NDST1: variants seen among roughly 807,000 people sequenced by gnomAD.
The protein encoded by NDST1 is N-deacetylase and N-sulfotransferase 1.
In NDST1, 35 loss-of-function variants were observed where a neutral mutation model predicts 92.8. The observed-to-expected ratio is 0.38, with a 90% CI of 0.29 to 0.50. The LOEUF is 0.50. Among genes scored for constraint, NDST1 ranks in the 20% least tolerant of loss-of-function variants. The pLI is 0.94. For missense variants in NDST1, 822 were observed against 1,182.7 expected (o/e 0.69, Z 4.47); for synonymous variants, 493 against 500.3 (o/e 0.99, Z 0.19).
chr5:150,514,080 C>T (rs1328792796), intron 1 of NDST1, among the ~76,000 whole-genome samples: 3 of 152,208 alleles, frequency 2.0e-5, no homozygotes, highest in African/African-American at 7.2e-5. Flanking sequence ...TCCCCTCATG[C>T]CCCTGCCTAC....
At chr5:150,540,640 A>T (rs1175366018) in intron 8 of NDST1, among the ~76,000 whole-genome samples, 1 of 152,092 alleles carries the variant, frequency 6.6e-6, no homozygotes, top group African/African-American at 2.4e-5. Context: ...ATATGGCGAA[A>T]CCCTGTCTCT....
upstream of NDST1, among the ~76,000 whole-genome samples, chr5:150,507,430 C>T (rs1316131343): frequency 1.3e-5 from 2 of 152,218 alleles, no homozygotes; most frequent in Non-Finnish European, 2.9e-5. Context: ...GGCCCTTTTC[C>T]AGTGTTCTGT....
At chr5:150,539,938 G>A (rs1396868316) in intron 7 of NDST1, 144 bp from the exon 8 acceptor site, 8 of 1,242,460 alleles carry the variant, frequency 6.4e-6, no homozygotes, top group African/African-American at 3.0e-5. Context: ...TACTCGCAGC[G>A]AGTTTGTTGA....
Position 150,541,622 on chromosome 5 carries a change from G to T in NDST1, c.1802G>T (p.Cys601Phe). 6.2e-7 allele frequency: 1 copy of T among 1,614,196 alleles called. No individual in the cohort carries two copies. Among genetic ancestry groups the T allele is most frequent in the Non-Finnish European group, 8.5e-7 (1 of 1,180,044 alleles). The stretch of plus-strand genomic sequence containing the variant: ...GACATCTGGTCCAAGGAGAAGACGT[G>T]TGACCGCTTCCCAAAGCTCCTCATC... ...HKDIWSKEKT[C>F]DRFPKLLIIG... The change falls in exon 9 of 15, where the codon TGT becomes TTT. Residue 601 changes from cysteine (C) to phenylalanine (F), a missense_variant. Cys to Phe is a radical substitution (Grantham distance 205). Coordinates refer to ENST00000261797, the MANE Select transcript of NDST1 (RefSeq NM_001543.5).
rs1488549449 is a variant in NDST1, at chr5:150,535,803, G to A, written c.1355G>A (p.Ser452Asn). 6.2e-7 allele frequency: 1 copy of A among 1,614,066 alleles called. No individual in the cohort carries two copies. The highest frequency in any genetic ancestry group is 8.5e-7 in the Non-Finnish European group (1 of 1,180,048). The change falls in exon 6 of 15, where the codon AGC becomes AAC. Residue 452 changes from serine to asparagine, a missense_variant. By Grantham distance (46) the Ser-to-Asn change is conservative. Coordinates refer to ENST00000261797, the MANE Select transcript of NDST1 (RefSeq NM_001543.5). Reference protein sequence around the residue: ...QLYEAWKQVWSIRVTSTEEYP... With the variant: ...QLYEAWKQVWNIRVTSTEEYP... ...TACGAGGCTTGGAAGCAGGTGTGGA[G>A]CATCCGCGTGACCAGCACGGAGGAG...
chr5:150,543,697 T>G (rs1378058096), intron 10 of NDST1, among the ~76,000 whole-genome samples: 1 of 152,236 alleles, frequency 6.6e-6, no homozygotes, highest in Non-Finnish European at 1.5e-5. Context: ...GTTTGCCTTT[T>G]TAAACCTTGT....
chr5:150,542,863 A>G lies in NDST1; in HGVS notation c.1862A>G (p.Tyr621Cys). The G allele has an allele frequency of 6.2e-7, 1 of 1,613,964 alleles. No individual in the cohort carries two copies. Among genetic ancestry groups the G allele is most frequent in the Non-Finnish European group, 8.5e-7 (1 of 1,179,914 alleles). The change falls in exon 10 of 15, where the codon TAC becomes TGC. Residue 621 changes from tyrosine (Y) to cysteine (C), a missense_variant. Transcript: ENST00000261797. The part of the protein sequence containing the change: ...GPQKTGTTAL[Y>C]LFLGMHPDLS... Reference sequence around the variant, plus strand: ...CTCCCCACAGGCACCACTGCCCTCTACCTGTTCCTGGGCATGCACCCTGAC... The same window carrying G: ...CTCCCCACAGGCACCACTGCCCTCTGCCTGTTCCTGGGCATGCACCCTGAC...
In NDST1 at chr5:150,520,863, C is replaced by A; in HGVS notation, c.-387-5C>A. ...TGACGCTCCTGTTCTCTCCACTCTC[C>A]ACAGCCTTAGCCCCGTGGGCCCCAC... is the stretch of plus-strand genomic sequence containing the variant. On this transcript the variant is annotated splice_polypyrimidine_tract_variant and splice_region_variant and intron_variant, in intron 1 of 14. Transcript: ENST00000261797. 1 of 448,412 alleles carries A rather than the reference C, an allele frequency of 2.2e-6. No individual in the cohort carries two copies. The highest frequency in any genetic ancestry group is 7.1e-5 in the South Asian group (1 of 14,116). The allele number at this position is 448,412 out of a possible 1,614,324, so 27.8% of individuals were successfully genotyped here. A position where few individuals can be genotyped will look rare whatever the true frequency, so the allele number is the denominator to read the frequency against.
chr5:150,543,341 C>T (rs913728868), intron 10 of NDST1, among the ~76,000 whole-genome samples: 2 of 152,194 alleles, frequency 1.3e-5, no homozygotes, highest in Admixed American at 6.5e-5. Flanking sequence ...GACTGTGAAG[C>T]AGAGGTGTTC....
At chr5:150,527,718 G>C (rs1008258319) in intron 2 of NDST1, 86 bp from the exon 3 acceptor site, 2 of 1,586,736 alleles carry the variant, frequency 1.3e-6, no homozygotes, top group Admixed American at 1.7e-5. Context: ...TGATACCACT[G>C]TTATGGTCCA....
At chr5:150,522,476 G>A (rs910870761) in intron 2 of NDST1, among the ~76,000 whole-genome samples, 1 of 152,108 alleles carries the variant, frequency 6.6e-6, no homozygotes. Context: ...GGGATCCAGA[G>A]GCTGTGGTCA....
chr5:150,551,863 G>A lies in NDST1; in HGVS notation c.2529+8G>A. ...CCCGAGATGGACTTGGATGTAAGTG[G>A]TGGACACACTACCTGTAGCACCTGC... On this transcript the variant is annotated splice_region_variant and intron_variant, in intron 14 of 14. Transcript: ENST00000261797. The A allele has an allele frequency of 6.2e-7, 1 of 1,612,514 alleles. No homozygotes were observed. The highest frequency in any genetic ancestry group is 8.5e-7 in the Non-Finnish European group (1 of 1,178,778).
chr5:150,539,988 C>T, intron 7 of NDST1, 94 bp from the exon 8 acceptor site: 1 of 1,489,878 alleles, frequency 6.7e-7, no homozygotes, highest in Non-Finnish European at 9.3e-7. Flanking sequence ...AGGAGCCTTG[C>T]AAGCTAAGGC....
chr5:150,505,149 C>T (rs970560249), upstream of NDST1, among the ~76,000 whole-genome samples: 4 of 152,168 alleles, frequency 2.6e-5, no homozygotes, highest in Non-Finnish European at 4.4e-5. Flanking sequence ...GTGCTGATGG[C>T]GATGAGGGCA....
Position 150,548,287 on chromosome 5 carries a change from G to C in NDST1, c.2215G>C (p.Asp739His). ...TFHEVITAGS[D>H]ASSKLRALQN... ...CCATGAGGTGATTACCGCCGGCTCT[G>C]ACGCATCCTCGAAGCTGCGTGCCCT... Residue 739 changes from aspartate (D) to histidine (H), a missense_variant, in exon 12 of 15, where the codon GAC (aspartate) becomes CAC (histidine). Coordinates refer to ENST00000261797, the MANE Select transcript of NDST1 (RefSeq NM_001543.5). 6.2e-7 allele frequency: 1 copy of C among 1,614,158 alleles called. No individual in the cohort carries two copies. The highest frequency in any genetic ancestry group is 8.5e-7 in the Non-Finnish European group (1 of 1,180,044).
At chr5:150,549,199 A>G (rs892972842) in intron 12 of NDST1, among the ~76,000 whole-genome samples, 2 of 151,970 alleles carry the variant, frequency 1.3e-5, no homozygotes, top group Non-Finnish European at 2.9e-5. Flanking sequence ...TTTAGTAGAG[A>G]CGGGATTTCA....
intron 12 of NDST1, 85 bp downstream of exon 12, chr5:150,548,473 A>G (rs924986209): frequency 2.0e-6 from 3 of 1,467,182 alleles, no homozygotes; most frequent in Non-Finnish European, 2.8e-6. Flanking sequence ...CTTTCTCACC[A>G]GCCGTGGGGA....
chr5:150,539,062 T>A (rs1002146582), intron 6 of NDST1, among the ~76,000 whole-genome samples, 166 bp from the exon 7 acceptor site: 4 of 152,192 alleles, frequency 2.6e-5, no homozygotes, highest in Non-Finnish European at 5.9e-5. Context: ...TGTAGTTCAC[T>A]GGGGGGAACG....
At chr5:150,534,833 A>G in intron 4 of NDST1, 34 bp from the exon 5 acceptor site, 1 of 1,614,140 alleles carries the variant, frequency 6.2e-7, no homozygotes, top group Non-Finnish European at 8.5e-7. Flanking sequence ...CTCATGGCCC[A>G]GTGGGTGGTT....
Sources: gnomAD v4.1 joint callset for allele counts (sites outside exome capture counted in the v4.1 genomes callset) on GRCh38, gnomAD v4.1.1 for gene constraint, MANE v1.5 for transcripts, NCBI Gene and HGNC (gene_info 2026-07-23, HGNC 2026-07-21) for gene names.